SGCZ: variants seen among roughly 807,000 people sequenced by gnomAD.
SGCZ encodes sarcoglycan zeta.
Under a neutral mutation model 41.3 loss-of-function variants are expected in SGCZ, and 40 were observed. The observed-to-expected ratio is 0.97, with a 90% CI of 0.75 to 1.26. SGCZ has a LOEUF of 1.26. SGCZ is among the 50% of genes most tolerant of loss of function. The probability of loss-of-function intolerance (pLI) is 0.00; values close to 1 mark genes in which losing one functional copy is unlikely to be tolerated. For synonymous variants in SGCZ, 206 were observed against 137.5 expected (o/e 1.50, Z -3.49); for missense variants, 552 against 369.8 (o/e 1.49, Z -4.04).
At chr8:14,937,244 T>C (rs1168434338) in intron 1 of SGCZ, among the ~76,000 whole-genome samples, 2 of 149,528 alleles carry the variant, frequency 1.3e-5, no homozygotes, top group East Asian at 1.9e-4. Flanking sequence ...GAGATAGTTA[T>C]ATGTTATTTT....
chr8:14,673,435 G>T (rs10111574), intron 1 of SGCZ, among the ~76,000 whole-genome samples: 1 of 151,104 alleles, frequency 6.6e-6, no homozygotes, highest in African/African-American at 2.4e-5. Flanking sequence ...TCTCTCTCTC[G>T]CGCTCGCGCT....
chr8:14,442,575 A>G (rs1800303251), intron 2 of SGCZ, among the ~76,000 whole-genome samples: 1 of 152,314 alleles, frequency 6.6e-6, no homozygotes, highest in Non-Finnish European at 1.5e-5. Context: ...CCTGGTGGGT[A>G]AGTTTGACAA....
chr8:14,169,834 G>T (rs1804323055), intron 4 of SGCZ, among the ~76,000 whole-genome samples: 1 of 152,142 alleles, frequency 6.6e-6, no homozygotes, highest in Non-Finnish European at 1.5e-5. Flanking sequence ...AAGGCTAGCT[G>T]TACCTCCATA....
At chr8:15,052,407 G>A (rs1051837247) in intron 1 of SGCZ, among the ~76,000 whole-genome samples, 2 of 152,132 alleles carry the variant, frequency 1.3e-5, no homozygotes, top group African/African-American at 2.4e-5. Context: ...GGTGGTGGGT[G>A]GACTGAGTCA....
intron 1 of SGCZ, among the ~76,000 whole-genome samples, chr8:15,082,422 A>ATG (rs576117329): frequency 1.5e-5 from 2 of 129,264 alleles, no homozygotes; most frequent in East Asian, 2.2e-4. Flanking sequence ...ACACATATAT[A>ATG]TGTGTGTGTG....
chr8:14,575,816 G>C (rs559295857), intron 1 of SGCZ, among the ~76,000 whole-genome samples: 178 of 148,738 alleles, frequency 1.2e-3, no homozygotes, highest in Admixed American at 2.6e-3. Context: ...TGAGGCAGGA[G>C]AATCGCTTGA....
chr8:14,831,404 C>G (rs548499987), intron 1 of SGCZ, among the ~76,000 whole-genome samples: 8 of 152,284 alleles, frequency 5.3e-5, no homozygotes, highest in African/African-American at 1.9e-4. Context: ...GCTACCATGA[C>G]TCCACCACCA....
At chr8:14,943,526 A>G (rs1002183201) in intron 1 of SGCZ, among the ~76,000 whole-genome samples, 3 of 152,124 alleles carry the variant, frequency 2.0e-5, no homozygotes, top group Non-Finnish European at 2.9e-5. Context: ...GCCTCTTTCC[A>G]TCTATGAGAA....
chr8:15,141,490 G>A (rs1157922693), intron 1 of SGCZ, among the ~76,000 whole-genome samples: 1 of 152,220 alleles, frequency 6.6e-6, no homozygotes, highest in Non-Finnish European at 1.5e-5. Context: ...TCAGAACAGG[G>A]ACAGATTTTA....
At chr8:14,854,497 C>T (rs1216049114) in intron 1 of SGCZ, among the ~76,000 whole-genome samples, 1 of 151,880 alleles carries the variant, frequency 6.6e-6, no homozygotes, top group African/African-American at 2.4e-5. Flanking sequence ...AATATTAAGG[C>T]ACTTCTTAGA....
rs115560064 is a variant in SGCZ at position 14,971,058 on chromosome 8, C to G, written c.39+266527G>C. 6.7e-3 allele frequency among the ~76,000 whole-genome samples: 1,019 copies of G among 152,082 alleles called. 8 individuals are homozygous for G. Among genetic ancestry groups the G allele is most frequent in the African/African-American group, 0.023 (956 of 41,528 alleles). On this transcript the variant is annotated intron_variant, in intron 1 of 7. Transcript: ENST00000382080. ...TGATGCTTTTGTGAAATATATTTTT[C>G]TTATTTTCAATTGCTTGTTGCTAGT...
At chr8:14,982,638 A>T (rs1380476470) in intron 1 of SGCZ, among the ~76,000 whole-genome samples, 1 of 152,248 alleles carries the variant, frequency 6.6e-6, no homozygotes, top group African/African-American at 2.4e-5. Flanking sequence ...TTGTAAATGA[A>T]CTAAATCGAT....
intron 1 of SGCZ, among the ~76,000 whole-genome samples, chr8:15,045,420 A>C (rs1298921011): frequency 6.6e-6 from 1 of 152,074 alleles, no homozygotes; most frequent in Non-Finnish European, 1.5e-5. Context: ...ATGACTCCAC[A>C]AATCTCCATA....
chr8:14,943,317 G>A (rs990081650), intron 1 of SGCZ, among the ~76,000 whole-genome samples: 1 of 152,124 alleles, frequency 6.6e-6, no homozygotes. Flanking sequence ...TATTTAACAA[G>A]ATGTTGAGTG....
chr8:14,645,478 T>TTATATATATATATATATATTTA (rs1046258520), intron 1 of SGCZ, among the ~76,000 whole-genome samples: 1,576 of 106,444 alleles, frequency 0.015, 62 homozygotes, highest in African/African-American at 0.044. Context: ...ATATATATAT[T>TTATATATATATATATATATTTA]TATATGTATA....
intron 1 of SGCZ, among the ~76,000 whole-genome samples, chr8:14,711,252 C>T (rs1490236861): frequency 6.6e-6 from 1 of 151,838 alleles, no homozygotes; most frequent in Non-Finnish European, 1.5e-5. Context: ...ATTCAGTTCT[C>T]CATCTCAACT....
At chr8:14,616,143 C>A (rs775578129) in intron 1 of SGCZ, among the ~76,000 whole-genome samples, 1 of 151,854 alleles carries the variant, frequency 6.6e-6, no homozygotes, top group South Asian at 2.1e-4. Context: ...TTTAGCCGGG[C>A]GTGGGAGCGG....
At chr8:15,064,781 C>T (rs552990990) in intron 1 of SGCZ, among the ~76,000 whole-genome samples, 1 of 152,154 alleles carries the variant, frequency 6.6e-6, no homozygotes, top group African/African-American at 2.4e-5. Flanking sequence ...GCTCCCATCT[C>T]CTGCAGGGCC....
intron 1 of SGCZ, among the ~76,000 whole-genome samples, chr8:14,557,907 G>T (rs1350527051): frequency 6.6e-6 from 1 of 152,052 alleles, no homozygotes; most frequent in Non-Finnish European, 1.5e-5. Context: ...AAATAAAATT[G>T]ATAGGCCATT....
Sources: allele counts gnomAD v4.1 joint callset (sites outside exome capture counted in the v4.1 genomes callset), GRCh38; gene constraint gnomAD v4.1.1; transcripts MANE v1.5; gene names NCBI Gene and HGNC (gene_info 2026-07-23, HGNC 2026-07-21).